TRAF3IP1: variants seen among roughly 807,000 people sequenced by gnomAD.
TRAF3IP1 encodes TRAF3-interacting protein 1.
A neutral mutation model predicts 89.9 loss-of-function variants in TRAF3IP1; 53 were observed. The ratio of observed to expected loss-of-function variants is 0.59; its 90% CI spans 0.47 to 0.74. TRAF3IP1 has a LOEUF of 0.74. Ranked by LOEUF, TRAF3IP1 falls within the 30% of genes least tolerant of loss-of-function variation. The pLI is 0.00. For missense variants in TRAF3IP1, 806 were observed against 866.1 expected, an observed-to-expected ratio of 0.93 and a Z score of 0.87; for synonymous variants, 311 against 322.1, an observed-to-expected ratio of 0.97 and a Z score of 0.37.
Position 238,347,801 on chromosome 2 carries a change from A to AT in TRAF3IP1, c.1282+331dup, listed in dbSNP as rs373887486. On this transcript the variant is annotated intron_variant, in intron 10 of 16. Transcript: ENST00000373327. Reference sequence around the variant, plus strand: ...CACCACCACGCCCGGCTAATTTTGTATTTTTAGTAGAGACGGGGTTTCTCC... The same window carrying AT: ...CACCACCACGCCCGGCTAATTTTGTATTTTTTAGTAGAGACGGGGTTTCTCC... Among the ~76,000 whole-genome samples the AT allele has an allele frequency of 1.8e-3, 279 of 151,916 alleles. 3 individuals carry two copies. Among genetic ancestry groups the AT allele is most frequent in the African/African-American group, 6.5e-3 (269 of 41,406 alleles).
At chr2:238,352,256 T>C (rs1394194071) in intron 12 of TRAF3IP1, among the ~76,000 whole-genome samples, 1 of 151,706 alleles carries the variant, frequency 6.6e-6, no homozygotes, top group East Asian at 2.0e-4. Context: ...TGATGTGGAC[T>C]TGGGTGGAGC....
At chr2:238,354,526 C>A (rs756132046) in intron 14 of TRAF3IP1, among the ~76,000 whole-genome samples, 64 of 152,320 alleles carry the variant, frequency 4.2e-4, no homozygotes, top group Non-Finnish European at 7.9e-4. Context: ...CAGCGGCTGT[C>A]CCCATGCTTT....
intron 9 of TRAF3IP1, among the ~76,000 whole-genome samples, chr2:238,346,124 G>A (rs1306317033): frequency 7.9e-5 from 12 of 152,090 alleles, no homozygotes; most frequent in Admixed American, 6.6e-4. Context: ...CCCCCAGGTC[G>A]CACGAGGACT....
chr2:238,321,850 CTG>C (rs942718175), intron 1 of TRAF3IP1, among the ~76,000 whole-genome samples: 3 of 152,360 alleles, frequency 2.0e-5, no homozygotes, highest in African/African-American at 7.2e-5. Flanking sequence ...TCCTCAAGCT[CTG>C]TTTCTCACTC....
intron 15 of TRAF3IP1, among the ~76,000 whole-genome samples, chr2:238,364,847 G>A (rs999051695): frequency 1.3e-5 from 2 of 152,102 alleles, no homozygotes; most frequent in Admixed American, 6.5e-5. Context: ...ATCTTGTCCT[G>A]GTGAGAACAG....
intron 15 of TRAF3IP1, among the ~76,000 whole-genome samples, chr2:238,389,094 G>GCT (rs1700892965): frequency 6.6e-6 from 1 of 152,096 alleles, no homozygotes; most frequent in African/African-American, 2.4e-5. Flanking sequence ...GTCGGGTAGA[G>GCT]CTCTGCTCAG....
At chr2:238,326,514 C>G (rs577743871) in intron 3 of TRAF3IP1, among the ~76,000 whole-genome samples, 22 of 151,754 alleles carry the variant, frequency 1.4e-4, no homozygotes, top group Admixed American at 4.6e-4. Context: ...TAGATTTTTT[C>G]TTTCTTGAGC....
intron 3 of TRAF3IP1, among the ~76,000 whole-genome samples, chr2:238,326,176 G>A (rs1008652676): frequency 6.6e-6 from 1 of 152,132 alleles, no homozygotes; most frequent in Admixed American, 6.5e-5. Context: ...AACAAATAAG[G>A]GTATGTAATA....
At chr2:238,356,203 A>C (rs1699398668) in intron 15 of TRAF3IP1, 123 bp downstream of exon 15, 2 of 864,308 alleles carry the variant, frequency 2.3e-6, no homozygotes, top group East Asian at 5.4e-5. Context: ...TGCATATTTA[A>C]ATGCCATTCC....
In TRAF3IP1 at chr2:238,329,186, TGA is replaced by T. The variant is rs747177151; in HGVS notation, c.761_762del (p.Glu254GlyfsTer46). Reference sequence around the variant, plus strand: ...GCAAGAAGGAGACAGAGAGAAAGAGTGAGGGGGGGAAAGAGAAGGAGAGACTG... The same window carrying T: ...GCAAGAAGGAGACAGAGAGAAAGAGTGGGGGGGAAAGAGAAGGAGAGACTG... The part of the protein sequence containing the change: ...ERKKETERKS[E>X]GGKEKERLRD... On this transcript the variant is annotated frameshift_variant, in exon 5 of 17. Transcript: ENST00000373327. LOFTEE classifies it high-confidence loss of function. 6.6e-7 allele frequency: 1 copy of T among 1,522,950 alleles called. No individual in the cohort carries two copies. Among genetic ancestry groups the T allele is most frequent in the Non-Finnish European group, 8.8e-7 (1 of 1,137,886 alleles). The allele number at this position is 1,522,950 out of a possible 1,614,324, so 94.3% of individuals were successfully genotyped here.
intron 3 of TRAF3IP1, 72 bp downstream of exon 3, chr2:238,326,042 A>C: frequency 2.8e-5 from 42 of 1,509,680 alleles, no homozygotes; most frequent in Non-Finnish European, 3.4e-5. Context: ...TGAGGGACTC[A>C]CATGTGCGGG....
chr2:238,340,236 C>T (rs1182693221), intron 8 of TRAF3IP1, among the ~76,000 whole-genome samples: 2 of 152,214 alleles, frequency 1.3e-5, no homozygotes, highest in Non-Finnish European at 2.9e-5. Context: ...CATGGTTTAA[C>T]ATTTGGAATT....
rs1274932087 is a variant in TRAF3IP1, at chr2:238,373,662, C to T, written c.1689+17582C>T. On this transcript the variant is annotated intron_variant, in intron 15 of 16. Transcript: ENST00000373327. ...AACTTTAGAGTAGTTTTTTCCAATT[C>T]TGTGAAGAAAGTCTTTGGTAGCTTG... Among the ~76,000 whole-genome samples, 10 of 152,064 alleles carry T rather than the reference C, an allele frequency of 6.6e-5. 1 individual carries two copies. The South Asian group carries it at 1.7e-3, about 25-fold the overall frequency.
chr2:238,389,086 C>T (rs376681221), intron 15 of TRAF3IP1, among the ~76,000 whole-genome samples: 11 of 152,164 alleles, frequency 7.2e-5, no homozygotes, highest in African/African-American at 2.4e-4. Context: ...TGCTTAATGT[C>T]GGGTAGAGCT....
rs1404421705 is a variant in TRAF3IP1 at position 238,334,047 on chromosome 2, C to T, written c.1063+12C>T. On this transcript the variant is annotated intron_variant, in intron 7 of 16. Coordinates refer to ENST00000373327, the MANE Select transcript of TRAF3IP1 (RefSeq NM_015650.4). ...AAATTCAGTGGAAGGTACTGCAAAA[C>T]TTATATATGTAGCTGAAAATATGGA... 6.3e-7 allele frequency: 1 copy of T among 1,588,498 alleles called. No individual in the cohort carries two copies. Among genetic ancestry groups the T allele is most frequent in the Non-Finnish European group, 8.6e-7 (1 of 1,163,416 alleles).
intron 15 of TRAF3IP1, among the ~76,000 whole-genome samples, chr2:238,368,936 G>C (rs1197105511): frequency 3.3e-5 from 5 of 152,168 alleles, no homozygotes; most frequent in Non-Finnish European, 4.4e-5. Context: ...GCCTCCCAAA[G>C]TGCTGGGATT....
rs748614932 is a variant in TRAF3IP1 at position 238,334,039 on chromosome 2, C to T, written c.1063+4C>T. On this transcript the variant is annotated splice_donor_region_variant and intron_variant, in intron 7 of 16. Transcript: ENST00000373327. The stretch of plus-strand genomic sequence containing the variant: ...CGATCCAAAAATTCAGTGGAAGGTA[C>T]TGCAAAACTTATATATGTAGCTGAA... The T allele has an allele frequency of 3.9e-5, 63 of 1,604,338 alleles. No homozygotes were observed. The highest frequency in any genetic ancestry group is 1.3e-4 in the East Asian group (6 of 44,802).
intron 12 of TRAF3IP1, 35 bp downstream of exon 12, chr2:238,349,443 C>T (rs1699047536): frequency 6.2e-7 from 1 of 1,600,998 alleles, no homozygotes; most frequent in East Asian, 2.2e-5. Flanking sequence ...TCCAGCCACA[C>T]AGTGTGTTCT....
chr2:238,334,029 GT>G lies in TRAF3IP1; in HGVS notation c.1058del (p.Val353GlyfsTer14). On this transcript the variant is annotated frameshift_variant, in exon 7 of 17. Transcript: ENST00000373327. LOFTEE classifies it high-confidence loss of function. ...KTSKRRSKNS[V>X]EGRKEDNISA... ...ATCAAAACGGCGATCCAAAAATTCA[GT>G]GGAAGGTACTGCAAAACTTATATAT... 2 of 1,608,554 alleles carry G rather than the reference GT, an allele frequency of 1.2e-6. No individual in the cohort carries two copies. The highest frequency in any genetic ancestry group is 1.7e-6 in the Non-Finnish European group (2 of 1,177,336).
Sources: allele counts gnomAD v4.1 joint callset (sites outside exome capture counted in the v4.1 genomes callset), GRCh38; gene constraint gnomAD v4.1.1; transcripts MANE v1.5; gene names NCBI Gene and HGNC (gene_info 2026-07-23, HGNC 2026-07-21).